The following SPOPL variants were observed in gnomAD, a reference collection of about 807,000 sequenced individuals.
The protein encoded by SPOPL is speckle-type POZ protein-like.
A neutral mutation model predicts 53.8 loss-of-function variants in SPOPL; 23 were observed. The observed-to-expected ratio is 0.43, with a 90% CI of 0.31 to 0.61. The LOEUF is 0.61. SPOPL is among the 20% of genes least tolerant of loss of function. The pLI is 0.12. For synonymous variants in SPOPL, 164 were observed against 149.7 expected (o/e 1.10, Z -0.70); for missense variants, 442 against 466.9 (o/e 0.95, Z 0.49).
At chr2:138,547,534 ATTAC>A (rs1685221681) in intron 1 of SPOPL, among the ~76,000 whole-genome samples, 1 of 152,124 alleles carries the variant, frequency 6.6e-6, no homozygotes, top group South Asian at 2.1e-4. Context: ...CCCAGGATCT[ATTAC>A]TTAAACAGTA....
chr2:138,550,134 C>T (rs1685281812), intron 1 of SPOPL, 23 bp from the exon 2 acceptor site: 1 of 1,270,428 alleles, frequency 7.9e-7, no homozygotes, highest in South Asian at 1.2e-5. Flanking sequence ...TTAATCAGTA[C>T]ATCAAACTTC....
chr2:138,531,019 G>T (rs887639531), intron 1 of SPOPL, among the ~76,000 whole-genome samples: 1 of 151,710 alleles, frequency 6.6e-6, no homozygotes, highest in African/African-American at 2.4e-5. Context: ...AATGGGTACT[G>T]AATTTTATCA....
intron 1 of SPOPL, among the ~76,000 whole-genome samples, chr2:138,512,627 A>G (rs1684350162): frequency 6.6e-6 from 1 of 152,212 alleles, no homozygotes; most frequent in South Asian, 2.1e-4. Context: ...ATAAAAATAA[A>G]ATATAATATT....
intron 10 of SPOPL, among the ~76,000 whole-genome samples, chr2:138,566,342 G>A (rs920645423): frequency 6.6e-6 from 1 of 152,060 alleles, no homozygotes; most frequent in African/African-American, 2.4e-5. Context: ...CCATTTTCAA[G>A]CTCTAGTTTT....
chr2:138,516,653 A>G (rs899635368), intron 1 of SPOPL, among the ~76,000 whole-genome samples: 2 of 152,184 alleles, frequency 1.3e-5, no homozygotes, highest in Admixed American at 6.5e-5. Context: ...GAACCTAACT[A>G]CCAGTAGAAG....
rs542901907 is a variant in SPOPL at position 138,554,588 on chromosome 2, A to G, written c.480+1907A>G. The G allele has an allele frequency of 2.5e-5, 29 of 1,147,522 alleles. No homozygotes were observed. In the Admixed American group the frequency reaches 5.9e-4, roughly 23 times the overall value. The allele number at this position is 1,147,522 out of a possible 1,614,324, so 71.1% of individuals were successfully genotyped here. ...GCACAAAGCGTAACTTAATCTTGCA[A>G]GTTCCCTACAGTGGTTAAAGTAGCC... On this transcript the variant is annotated intron_variant, in intron 5 of 10. Transcript: ENST00000280098.
chr2:138,557,960 AC>A, intron 5 of SPOPL, among the ~76,000 whole-genome samples: 1 of 152,248 alleles, frequency 6.6e-6, no homozygotes, highest in African/African-American at 2.4e-5. Flanking sequence ...GGAGTTCAAG[AC>A]CAGCCTGGCC....
chr2:138,536,688 C>A (rs543768726), intron 1 of SPOPL, among the ~76,000 whole-genome samples: 2 of 152,182 alleles, frequency 1.3e-5, no homozygotes, highest in Non-Finnish European at 1.5e-5. Context: ...TGTAGTTTAG[C>A]CTTTGTATCC....
At chr2:138,539,472 G>T (rs978235481) in intron 1 of SPOPL, among the ~76,000 whole-genome samples, 1 of 151,914 alleles carries the variant, frequency 6.6e-6, no homozygotes, top group Non-Finnish European at 1.5e-5. Flanking sequence ...TCTCATTGTG[G>T]TTTTGATTTG....
chr2:138,505,748 G>A (rs938512779), intron 1 of SPOPL, among the ~76,000 whole-genome samples: 1 of 151,846 alleles, frequency 6.6e-6, no homozygotes, highest in African/African-American at 2.4e-5. Context: ...GCAACAGAGT[G>A]AGACTCTGTC....
chr2:138,516,225 G>A (rs1684434827), intron 1 of SPOPL, among the ~76,000 whole-genome samples: 1 of 152,158 alleles, frequency 6.6e-6, no homozygotes, highest in South Asian at 2.1e-4. Flanking sequence ...GAACAAAGGA[G>A]TGAAATGTTA....
Position 138,552,645 on chromosome 2 carries a change from T to C in SPOPL, c.444T>C (p.Gly148=), listed in dbSNP as rs1685338608. ...ACTTTTTGCTTGATGAAGCTAATGG[T>C]CTTTTACCAGATGACAAGCTTACAT... ...RRDFLLDEAN[G]LLPDDKLTLF... is the part of the protein sequence containing the mutation. The change falls in exon 5 of 11, where the codon GGT becomes GGC. Residue 148 remains glycine, a synonymous_variant. Transcript: ENST00000280098. The C allele has an allele frequency of 4.3e-6, 7 of 1,613,000 alleles. No homozygotes were observed. The highest frequency in any genetic ancestry group is 5.9e-6 in the Non-Finnish European group (7 of 1,179,284).
chr2:138,551,050 A>T lies in SPOPL; in HGVS notation c.348A>T (p.Ala116=). 1 of 1,612,900 alleles carries T rather than the reference A, an allele frequency of 6.2e-7. No homozygotes were observed. The highest frequency in any genetic ancestry group is 8.5e-7 in the Non-Finnish European group (1 of 1,179,338). The change falls in exon 4 of 11, where the codon GCA becomes GCT. Residue 116 remains alanine, a synonymous_variant. Coordinates refer to ENST00000280098, the MANE Select transcript of SPOPL (RefSeq NM_001001664.3). Reference sequence around the variant, plus strand: ...ATGCTAAAAGGGAAGAAACAAAAGCAATGGGTAAGTGATTTGCAAACTAAG... The same window carrying T: ...ATGCTAAAAGGGAAGAAACAAAAGCTATGGGTAAGTGATTTGCAAACTAAG... ...LLNAKREETK[A]MESQRAYRFV...
chr2:138,554,921 G>C (rs886403079), intron 5 of SPOPL, among the ~76,000 whole-genome samples: 1 of 151,892 alleles, frequency 6.6e-6, no homozygotes, highest in Non-Finnish European at 1.5e-5. Flanking sequence ...AGTCCATTTC[G>C]TGTTGCCATT....
intron 4 of SPOPL, among the ~76,000 whole-genome samples, chr2:138,551,658 A>G (rs2104892831): frequency 6.6e-6 from 1 of 152,188 alleles, no homozygotes. Context: ...AATGAATCGC[A>G]GAATCAAGTA....
intron 1 of SPOPL, among the ~76,000 whole-genome samples, chr2:138,530,922 A>AGTGTGTGTGTGTGTGTGT (rs10673306): frequency 3.4e-5 from 5 of 147,958 alleles, no homozygotes; most frequent in African/African-American, 1.2e-4. Flanking sequence ...CTGTAGAGTG[A>AGTGTGTGTGTGTGTGTGT]GTGTGTGTGT....
At chr2:138,553,140 A>C (rs1045766617) in intron 5 of SPOPL, among the ~76,000 whole-genome samples, 3 of 152,096 alleles carry the variant, frequency 2.0e-5, no homozygotes, top group African/African-American at 7.2e-5. Context: ...GATTAATCTA[A>C]TTAAATAGCA....
intron 1 of SPOPL, among the ~76,000 whole-genome samples, chr2:138,548,449 A>G (rs1685245033): frequency 6.6e-6 from 1 of 151,974 alleles, no homozygotes; most frequent in Admixed American, 6.5e-5. Flanking sequence ...CTTGCCAGAA[A>G]TCTCACTATG....
At chr2:138,526,727 ATTT>A (rs34816039) in intron 1 of SPOPL, among the ~76,000 whole-genome samples, 4 of 140,708 alleles carry the variant, frequency 2.8e-5, no homozygotes, top group Admixed American at 7.1e-5. Context: ...AGAGTATGGA[ATTT>A]TTTTTTTTTT....
Sources: allele counts gnomAD v4.1 joint callset (sites outside exome capture counted in the v4.1 genomes callset), GRCh38; gene constraint gnomAD v4.1.1; transcripts MANE v1.5; gene names NCBI Gene and HGNC (gene_info 2026-07-23, HGNC 2026-07-21).